SLC4A1AP: variants seen among roughly 807,000 people sequenced by gnomAD.
SLC4A1AP encodes kanadaptin.
A neutral mutation model predicts 89.7 loss-of-function variants in SLC4A1AP; 64 were observed. The observed-to-expected ratio is 0.71, with a 90% CI of 0.58 to 0.88. The LOEUF (loss-of-function observed/expected upper bound fraction) is 0.88. SLC4A1AP is among the 40% of genes least tolerant of loss of function. The pLI is 0.00. For synonymous variants in SLC4A1AP, 366 were observed against 353.3 expected (o/e 1.04, Z -0.40); for missense variants, 931 against 965.0 (o/e 0.96, Z 0.47).
At chr2:27,684,369 A>C (rs1362265909) in intron 9 of SLC4A1AP, among the ~76,000 whole-genome samples, 1 of 151,410 alleles carries the variant, frequency 6.6e-6, no homozygotes, top group African/African-American at 2.4e-5. Flanking sequence ...CAGAGGTTTC[A>C]GTGAGCTGAG....
At chr2:27,677,773 G>A (rs752247319) in exon 8 of SLC4A1AP, 4 of 1,611,170 alleles carry the variant, frequency 2.5e-6, no homozygotes, top group Non-Finnish European at 3.4e-6. Context: ...TTCTTTAGAT[G>A]CGTTCATGTC....
exon 5 of SLC4A1AP, chr2:27,669,290 G>A: frequency 6.2e-7 from 1 of 1,613,004 alleles, no homozygotes; most frequent in Non-Finnish European, 8.5e-7. Context: ...TGGTGGCTGA[G>A]GCCATTCACT....
intron 8 of SLC4A1AP, among the ~76,000 whole-genome samples, chr2:27,679,899 A>G (rs1033825481): frequency 3.9e-5 from 6 of 152,148 alleles, no homozygotes; most frequent in Non-Finnish European, 8.8e-5. Context: ...GGAGAAATCT[A>G]TATGGGAGTG....
chr2:27,669,223 T>A (rs1257440570), intron 4 of SLC4A1AP, 25 bp from the exon 5 acceptor site: 2 of 1,591,930 alleles, frequency 1.3e-6, no homozygotes, highest in Non-Finnish European at 1.7e-6. Flanking sequence ...AATGCTGTGC[T>A]ATAATTCCCA....
chr2:27,693,883 G>A, intron 13 of SLC4A1AP, 129 bp downstream of exon 13: 1 of 571,754 alleles, frequency 1.7e-6, no homozygotes, highest in Non-Finnish European at 2.9e-6. Flanking sequence ...ACCATGTTTG[G>A]ATCCTTATTC....
At chr2:27,677,488 C>T (rs762670001) in intron 7 of SLC4A1AP, 124 bp downstream of exon 7, 3 of 707,764 alleles carry the variant, frequency 4.2e-6, no homozygotes, top group African/African-American at 3.6e-5. Context: ...AGCAACATAC[C>T]GTTTTAGAAC....
chr2:27,686,759 G>A (rs929635377), intron 10 of SLC4A1AP, among the ~76,000 whole-genome samples: 5 of 152,200 alleles, frequency 3.3e-5, no homozygotes, highest in African/African-American at 9.7e-5. Context: ...GGGTGATAGA[G>A]TGAGACTGTT....
chr2:27,694,620 A>T lies in SLC4A1AP; in HGVS notation c.2342-14A>T. On this transcript the variant is annotated splice_polypyrimidine_tract_variant and intron_variant, in intron 13 of 13. Coordinates refer to ENST00000613058, the Ensembl canonical transcript of SLC4A1AP. ...GAGTAAATAATGTATTTCTTTTTTTATATTCTGATCTAGGTCAAAGTGGAG... is the reference window on the plus strand; with the variant it reads ...GAGTAAATAATGTATTTCTTTTTTTTTATTCTGATCTAGGTCAAAGTGGAG... 1 of 1,544,130 alleles carries T rather than the reference A, an allele frequency of 6.5e-7. No homozygotes were observed. The highest frequency in any genetic ancestry group is 1.8e-5 in the Admixed American group (1 of 56,862).
intron 9 of SLC4A1AP, among the ~76,000 whole-genome samples, chr2:27,683,552 T>A (rs960293147): frequency 1.3e-5 from 2 of 152,164 alleles, no homozygotes; most frequent in African/African-American, 4.8e-5. Context: ...CATACTGAGT[T>A]AGGGCCCCAC....
intron 12 of SLC4A1AP, chr2:27,691,745 A>C (rs1244991027): frequency 6.6e-6 from 1 of 151,904 alleles, no homozygotes; most frequent in Non-Finnish European, 1.5e-5. Context: ...GTGTGTCACC[A>C]CGCCCAGCTA....
At chr2:27,682,088 C>G (rs1675628150) in intron 8 of SLC4A1AP, among the ~76,000 whole-genome samples, 160 bp from the exon 9 acceptor site, 1 of 152,164 alleles carries the variant, frequency 6.6e-6, no homozygotes, top group Non-Finnish European at 1.5e-5. Flanking sequence ...CATTCAAAAT[C>G]TGTTGGTCTG....
At chr2:27,682,867 GAATT>G (rs1244121749) in intron 9 of SLC4A1AP, among the ~76,000 whole-genome samples, 1 of 152,144 alleles carries the variant, frequency 6.6e-6, no homozygotes, top group East Asian at 1.9e-4. Flanking sequence ...AAGAATTGAT[GAATT>G]AATTTATGCC....
At chr2:27,694,720 T>C (rs1235716081) in exon 14 of SLC4A1AP, 10 of 1,403,784 alleles carry the variant, frequency 7.1e-6, no homozygotes, top group Middle Eastern at 2.5e-4. Flanking sequence ...TTGTGGACCA[T>C]GTGACATGGA....
At chr2:27,685,245 A>T in exon 10 of SLC4A1AP, 2 of 1,611,780 alleles carry the variant, frequency 1.2e-6, no homozygotes, top group Non-Finnish European at 1.7e-6. Flanking sequence ...CCTCCCACAG[A>T]TCTCACACAT....
chr2:27,663,985 C>T lies in SLC4A1AP; in HGVS notation c.233C>T (p.Ala78Val), dbSNP rs190943180. Residue 78 changes from alanine to valine, a missense_variant, in exon 1 of 14, where the codon GCT (alanine) becomes GTT (valine). Ala to Val is a moderately conservative substitution (Grantham distance 64). Transcript: ENST00000613058. ...CTCAGTGGGGACTTCAAGAAGCCAG[C>T]TCTGCCGGTGTCCCCAGCGGCGCGG... 4.5e-5 allele frequency: 72 copies of T among 1,614,242 alleles called. 1 individual carries two copies. The East Asian group carries it at 1.3e-3, about 29-fold the overall frequency.
chr2:27,687,834 T>G (rs1310038229), intron 10 of SLC4A1AP, 100 bp from the exon 11 acceptor site: 1 of 788,586 alleles, frequency 1.3e-6, no homozygotes, highest in Non-Finnish European at 2.1e-6. Flanking sequence ...ACTGGATGAT[T>G]ATGTACTTAG....
intron 5 of SLC4A1AP, among the ~76,000 whole-genome samples, chr2:27,670,082 C>T (rs185457513): frequency 4.6e-5 from 7 of 152,196 alleles, no homozygotes; most frequent in South Asian, 2.1e-4. Flanking sequence ...AGGCTGGTCT[C>T]GAACTCCCAA....
chr2:27,675,626 G>T (rs1176574945), exon 6 of SLC4A1AP: 1 of 1,611,760 alleles, frequency 6.2e-7, no homozygotes, highest in Non-Finnish European at 8.5e-7. Flanking sequence ...TGATTGAGAA[G>T]AAGCGTCTGA....
chr2:27,668,893 T>G (rs1675377272), exon 4 of SLC4A1AP: 1 of 1,613,970 alleles, frequency 6.2e-7, no homozygotes, highest in Non-Finnish European at 8.5e-7. Flanking sequence ...CACTTGGCTC[T>G]GCAGGGTGAG....
Sources: allele counts gnomAD v4.1 joint callset (sites outside exome capture counted in the v4.1 genomes callset), GRCh38; gene constraint gnomAD v4.1.1; transcripts MANE v1.5; gene names NCBI Gene and HGNC (gene_info 2026-07-23, HGNC 2026-07-21).